INPP4B: variants seen among roughly 807,000 people sequenced by gnomAD.
INPP4B encodes the protein inositol polyphosphate 4-phosphatase type II.
In INPP4B, 55 loss-of-function variants were observed where a neutral mutation model predicts 122.5. The ratio of observed to expected loss-of-function variants is 0.45; its 90% confidence interval spans 0.36 to 0.56. INPP4B has a LOEUF of 0.56. Ranked by LOEUF, INPP4B falls within the 20% of genes least tolerant of loss-of-function variation. The probability of loss-of-function intolerance (pLI) is 0.00; values close to 1 mark genes in which losing one functional copy is unlikely to be tolerated. For missense variants in INPP4B, 1,000 were observed against 1,097.7 expected, an observed-to-expected ratio of 0.91 and a Z score of 1.26; for synonymous variants, 403 against 388.7, an observed-to-expected ratio of 1.04 and a Z score of -0.43.
In INPP4B at chr4:142,712,092, C is replaced by T. The variant is rs560355935; in HGVS notation, c.-191+13747G>A. On this transcript the variant is annotated intron_variant, in intron 2 of 25. Transcript: ENST00000262992. Reference sequence around the variant, plus strand: ...AAATAAAAGAGATCCAAAAGAGATGCTCATCACTTTTGCACCTTCTACCAT... The same window carrying T: ...AAATAAAAGAGATCCAAAAGAGATGTTCATCACTTTTGCACCTTCTACCAT... Among the ~76,000 whole-genome samples, 12 of 152,230 alleles carry T rather than the reference C, an allele frequency of 7.9e-5. No homozygotes were observed. The East Asian group carries it at 2.3e-3, about 29-fold the overall frequency.
chr4:142,782,086 C>A (rs1477245892), intron 1 of INPP4B, among the ~76,000 whole-genome samples: 2 of 151,912 alleles, frequency 1.3e-5, no homozygotes, highest in Admixed American at 1.3e-4. Flanking sequence ...CACCCATTAA[C>A]TCATCATTTA....
chr4:142,192,354 A>G (rs13106645), intron 15 of INPP4B, among the ~76,000 whole-genome samples: 1,063 of 72,992 alleles, frequency 0.015, 58 homozygotes, highest in Middle Eastern at 0.02. Flanking sequence ...AAAAAAAAAA[A>G]TGGGATTCTT....
At chr4:142,332,257 A>G (rs924383333) in intron 7 of INPP4B, among the ~76,000 whole-genome samples, 6 of 152,182 alleles carry the variant, frequency 3.9e-5, no homozygotes, top group Non-Finnish European at 7.3e-5. Flanking sequence ...GAAAAAATAT[A>G]TGACACTATA....
intron 10 of INPP4B, among the ~76,000 whole-genome samples, chr4:142,267,696 A>G (rs1743510744): frequency 6.6e-6 from 1 of 152,226 alleles, no homozygotes; most frequent in Non-Finnish European, 1.5e-5. Context: ...AAGCACAGGA[A>G]CAAAAGCAAA....
At chr4:142,236,346 A>G (rs1856690212) in intron 12 of INPP4B, among the ~76,000 whole-genome samples, 1 of 152,126 alleles carries the variant, frequency 6.6e-6, no homozygotes, top group Non-Finnish European at 1.5e-5. Flanking sequence ...CTTCCAGGTA[A>G]TGTGTTTTGT....
intron 7 of INPP4B, among the ~76,000 whole-genome samples, chr4:142,322,977 T>C (rs1317972906): frequency 6.6e-6 from 1 of 152,158 alleles, no homozygotes; most frequent in Admixed American, 6.5e-5. Flanking sequence ...TGAGATTACT[T>C]TTTGGTAAGA....
At chr4:142,383,960 A>G in intron 7 of INPP4B, 1 of 624,422 alleles carries the variant, frequency 1.6e-6, no homozygotes, top group Non-Finnish European at 2.9e-6. Flanking sequence ...TCATTAAGTT[A>G]CCATCGTGCA....
intron 11 of INPP4B, among the ~76,000 whole-genome samples, chr4:142,259,448 T>A (rs1738488264): frequency 6.6e-6 from 1 of 151,424 alleles, no homozygotes; most frequent in Admixed American, 6.6e-5. Context: ...CGTGGGTAAG[T>A]GTTGAATTTC....
intron 11 of INPP4B, among the ~76,000 whole-genome samples, chr4:142,254,806 C>T (rs1223952614): frequency 3.3e-5 from 5 of 152,008 alleles, no homozygotes; most frequent in African/African-American, 1.2e-4. Flanking sequence ...GAGAACTTCC[C>T]CAATCTAGCA....
At chr4:142,340,254 T>G (rs763706023) in intron 7 of INPP4B, among the ~76,000 whole-genome samples, 1 of 152,124 alleles carries the variant, frequency 6.6e-6, no homozygotes, top group Non-Finnish European at 1.5e-5. Flanking sequence ...TCAGAAATGC[T>G]TAGTTTTAGG....
chr4:142,804,082 TAA>T (rs1271377475), intron 1 of INPP4B, among the ~76,000 whole-genome samples: 80 of 150,938 alleles, frequency 5.3e-4, no homozygotes, highest in African/African-American at 1.8e-3. Context: ...AATAAATAAA[TAA>T]ATAAATAAAT....
chr4:142,787,106 T>C (rs1193025546), intron 1 of INPP4B, among the ~76,000 whole-genome samples: 2 of 152,182 alleles, frequency 1.3e-5, no homozygotes, highest in Non-Finnish European at 2.9e-5. Flanking sequence ...CTGTACTATC[T>C]TCTCAATTTT....
At chr4:142,133,419 GTCT>G (rs1173325829) in intron 18 of INPP4B, among the ~76,000 whole-genome samples, 6 of 152,022 alleles carry the variant, frequency 3.9e-5, no homozygotes, top group South Asian at 2.1e-4. Flanking sequence ...ACCTCCACTT[GTCT>G]TCTTCTTCGT....
At chr4:142,831,783 T>G (rs1057203443) in intron 1 of INPP4B, among the ~76,000 whole-genome samples, 15 of 152,198 alleles carry the variant, frequency 9.9e-5, no homozygotes, top group African/African-American at 3.6e-4. Flanking sequence ...AGTCCTCCAT[T>G]AAGAGATAGA....
chr4:142,738,324 C>A lies in INPP4B; in HGVS notation c.-253-12423G>T, dbSNP rs148699781. Reference sequence around the variant, plus strand: ...GTCCTTTGTAGGGACATGCATGAAGCTGGAAACCATCATTCTCAGCAAACT... The same window carrying A: ...GTCCTTTGTAGGGACATGCATGAAGATGGAAACCATCATTCTCAGCAAACT... On this transcript the variant is annotated intron_variant, in intron 1 of 25. Coordinates refer to ENST00000262992, the MANE Select transcript of INPP4B (RefSeq NM_001101669.3). Among the ~76,000 whole-genome samples the A allele has an allele frequency of 7.0e-4, 107 of 152,174 alleles. 1 individual carries two copies. In the East Asian group the frequency reaches 0.02, roughly 29 times the overall value.
At chr4:142,201,084 A>G (rs1840420724) in intron 14 of INPP4B, among the ~76,000 whole-genome samples, 1 of 152,070 alleles carries the variant, frequency 6.6e-6, no homozygotes, top group Non-Finnish European at 1.5e-5. Flanking sequence ...TTTAAATAGC[A>G]TTTTTACACT....
intron 10 of INPP4B, among the ~76,000 whole-genome samples, chr4:142,270,188 CT>C (rs1745065229): frequency 6.6e-6 from 1 of 152,182 alleles, no homozygotes; most frequent in South Asian, 2.1e-4. Context: ...CTGCTTCTCT[CT>C]CCTCAATCTC....
At chr4:142,185,726 A>T (rs1044499218) in intron 15 of INPP4B, among the ~76,000 whole-genome samples, 2 of 151,622 alleles carry the variant, frequency 1.3e-5, no homozygotes, top group Admixed American at 6.6e-5. Context: ...AAAAATACAA[A>T]AAATTAGCCG....
intron 2 of INPP4B, among the ~76,000 whole-genome samples, chr4:142,676,975 C>T (rs752585907): frequency 5.3e-5 from 8 of 152,016 alleles, no homozygotes; most frequent in African/African-American, 7.2e-5. Context: ...TGGCAACAAA[C>T]GCCAATATTG....
Sources: allele counts gnomAD v4.1 joint callset (sites outside exome capture counted in the v4.1 genomes callset), GRCh38; gene constraint gnomAD v4.1.1; transcripts MANE v1.5; gene names NCBI Gene and HGNC (gene_info 2026-07-23, HGNC 2026-07-21).